ZMYND8: variants seen among roughly 807,000 people sequenced by gnomAD.
ZMYND8 encodes MYND-type zinc finger-containing chromatin reader ZMYND8.
A neutral mutation model predicts 140.8 loss-of-function variants in ZMYND8; 37 were observed. The ratio of observed to expected loss-of-function variants is 0.26; its 90% CI spans 0.20 to 0.35. The LOEUF (loss-of-function observed/expected upper bound fraction) is 0.35. Among genes scored for constraint, ZMYND8 ranks in the 10% least tolerant of loss-of-function variants. The probability of loss-of-function intolerance (pLI) is 1.00; values close to 1 mark genes in which losing one functional copy is unlikely to be tolerated. For missense variants in ZMYND8, 1,068 were observed against 1,570.0 expected (o/e 0.68, Z 5.40); for synonymous variants, 592 against 597.1 (o/e 0.99, Z 0.12).
At chr20:47,301,268 C>T (rs918719820) in intron 3 of ZMYND8, among the ~76,000 whole-genome samples, 2 of 151,560 alleles carry the variant, frequency 1.3e-5, no homozygotes, top group African/African-American at 4.8e-5. Flanking sequence ...GATTCTCCTG[C>T]CTCAGCCTCC....
At chr20:47,322,472 C>A (rs1601919004) in intron 2 of ZMYND8, among the ~76,000 whole-genome samples, 1 of 141,240 alleles carries the variant, frequency 7.1e-6, no homozygotes, top group Admixed American at 7.1e-5. Context: ...CACAGAATCT[C>A]ACTCTGTCTC....
At chr20:47,353,322 G>C (rs908739472) in intron 1 of ZMYND8, 1 of 152,120 alleles carries the variant, frequency 6.6e-6, no homozygotes, top group Admixed American at 6.5e-5. Context: ...AAAAGCTATT[G>C]TTTTCATCCC....
chr20:47,213,367 A>AAG lies in ZMYND8; in HGVS notation c.3485-644_3485-643dup, dbSNP rs777958666. On this transcript the variant is annotated intron_variant, in intron 21 of 22. Coordinates refer to ENST00000471951, the MANE Select transcript of ZMYND8 (RefSeq NM_001281775.3). ...GCTTCATAGGAAAACAATTGAAAGT[A>AAG]AGATCAAGAGAAAAAATAGAAACTC... 3.3e-5 allele frequency among the ~76,000 whole-genome samples: 5 copies of AAG among 152,252 alleles called. No individual in the cohort carries two copies. The East Asian group carries it at 5.8e-4, about 18-fold the overall frequency.
chr20:47,255,712 G>A (rs1312389023), intron 12 of ZMYND8, among the ~76,000 whole-genome samples: 5 of 60,678 alleles, frequency 8.2e-5, no homozygotes, highest in East Asian at 4.1e-4. Flanking sequence ...TATATATACC[G>A]TGTATGTGTG....
chr20:47,303,992 T>C (rs2078284730), intron 3 of ZMYND8, among the ~76,000 whole-genome samples: 1 of 150,426 alleles, frequency 6.6e-6, no homozygotes, highest in Non-Finnish European at 1.5e-5. Context: ...ATATTTTCCT[T>C]ATCTGCTGCT....
chr20:47,210,919 T>C (rs1568858603), intron 22 of ZMYND8, 22 bp from the exon 23 acceptor site: 3 of 1,607,586 alleles, frequency 1.9e-6, no homozygotes, highest in Admixed American at 1.7e-5. Context: ...AACCAATGTG[T>C]TTAGCGTGCC....
chr20:47,219,338 G>A (rs1161750710), intron 21 of ZMYND8, among the ~76,000 whole-genome samples: 1 of 151,734 alleles, frequency 6.6e-6, no homozygotes, highest in African/African-American at 2.4e-5. Context: ...TTACAGGCAT[G>A]AGCCACTGCG....
At chr20:47,239,803 T>C (rs1036395151) in intron 14 of ZMYND8, among the ~76,000 whole-genome samples, 13 of 152,218 alleles carry the variant, frequency 8.5e-5, no homozygotes, top group Admixed American at 7.9e-4. Context: ...TAGGATTGAG[T>C]AGCATTGCTT....
At chr20:47,330,488 G>C (rs1308717879) in intron 2 of ZMYND8, among the ~76,000 whole-genome samples, 3 of 151,640 alleles carry the variant, frequency 2.0e-5, no homozygotes, top group Non-Finnish European at 4.4e-5. Context: ...ACAGGCGTGA[G>C]ACACCATGCC....
At position 47,255,668 on chromosome 20, in the gene ZMYND8, AT is replaced by A. The variant is rs556863676; in HGVS notation, c.1622-6230del. ...CCATATACATATACTCAGTATATGTATATGGTGTATGTGTGTGTGTGTATAT... is the reference window on the plus strand; with the variant it reads ...CCATATACATATACTCAGTATATGTAATGGTGTATGTGTGTGTGTGTATAT... On this transcript the variant is annotated intron_variant, in intron 12 of 22. Transcript: ENST00000471951. Among the ~76,000 whole-genome samples the A allele has an allele frequency of 9.5e-4, 128 of 134,540 alleles. 3 individuals are homozygous for A. Among genetic ancestry groups the A allele is most frequent in the Non-Finnish European group, 1.6e-3 (101 of 63,878 alleles). The allele number at this position is 134,540 out of a possible 152,430, so 88.3% of individuals were successfully genotyped here.
At chr20:47,308,378 C>T (rs1385579324) in intron 3 of ZMYND8, among the ~76,000 whole-genome samples, 2 of 151,834 alleles carry the variant, frequency 1.3e-5, no homozygotes, top group Non-Finnish European at 2.9e-5. Flanking sequence ...GCCACCACGC[C>T]CGGCTAATTT....
At chr20:47,312,659 G>A (rs917044742) in intron 2 of ZMYND8, among the ~76,000 whole-genome samples, 4 of 151,926 alleles carry the variant, frequency 2.6e-5, no homozygotes, top group African/African-American at 4.8e-5. Context: ...GCATGGTAGC[G>A]CACACCCATA....
At chr20:47,268,557 T>G (rs1218324708) in intron 11 of ZMYND8, among the ~76,000 whole-genome samples, 5 of 151,206 alleles carry the variant, frequency 3.3e-5, no homozygotes, top group Non-Finnish European at 7.4e-5. Context: ...CCTCCCAAAG[T>G]GCTGGGATTA....
At chr20:47,231,073 G>A (rs182400564) in intron 16 of ZMYND8, among the ~76,000 whole-genome samples, 59 of 152,248 alleles carry the variant, frequency 3.9e-4, no homozygotes, top group Admixed American at 6.5e-5. Flanking sequence ...CTGTCTTTGC[G>A]GTTCATTTCC....
chr20:47,295,692 CCTAA>C (rs1221455807), intron 4 of ZMYND8, among the ~76,000 whole-genome samples: 4 of 152,216 alleles, frequency 2.6e-5, no homozygotes, highest in African/African-American at 7.2e-5. Flanking sequence ...CACAACCTAA[CCTAA>C]CTGTCTATCT....
Position 47,210,621 on chromosome 20 carries a change from G to C in ZMYND8, c.*140C>G, listed in dbSNP as rs757974893. ...TGTCCTGTAGTGTAGCAGCCCCCGCGCCGGGGGCTCAGGCTCAACTGAGGG... is the reference window on the plus strand; with the variant it reads ...TGTCCTGTAGTGTAGCAGCCCCCGCCCCGGGGGCTCAGGCTCAACTGAGGG... On this transcript the variant is annotated 3_prime_UTR_variant, in exon 23 of 23. Transcript: ENST00000471951. 2 of 1,375,410 alleles carry C rather than the reference G, an allele frequency of 1.5e-6. No homozygotes were observed. The highest frequency in any genetic ancestry group is 2.1e-6 in the Non-Finnish European group (2 of 974,350). The allele number at this position is 1,375,410 out of a possible 1,614,324, so 85.2% of individuals were successfully genotyped here. A position where few individuals can be genotyped will look rare whatever the true frequency, so the allele number is the denominator to read the frequency against.
At chr20:47,295,635 C>T (rs2077588235) in intron 4 of ZMYND8, among the ~76,000 whole-genome samples, 1 of 152,188 alleles carries the variant, frequency 6.6e-6, no homozygotes, top group African/African-American at 2.4e-5. Flanking sequence ...TGTCCATCTC[C>T]CTTACTTTGA....
At chr20:47,241,780 C>A (rs991195066) in intron 14 of ZMYND8, among the ~76,000 whole-genome samples, 2 of 151,908 alleles carry the variant, frequency 1.3e-5, no homozygotes, top group African/African-American at 4.8e-5. Context: ...TGACATCAAA[C>A]TCCTTTAAAT....
At chr20:47,292,003 A>G (rs935879249) in intron 5 of ZMYND8, 115 bp from the exon 6 acceptor site, 25 of 837,150 alleles carry the variant, frequency 3.0e-5, no homozygotes, top group Non-Finnish European at 3.5e-5. Context: ...ATATAGTTCT[A>G]AAGTTTTCCA....
Sources: gnomAD v4.1 joint callset for allele counts (sites outside exome capture counted in the v4.1 genomes callset) on GRCh38, gnomAD v4.1.1 for gene constraint, MANE v1.5 for transcripts, NCBI Gene and HGNC (gene_info 2026-07-23, HGNC 2026-07-21) for gene names.